The following BCOR variants were observed in gnomAD, a reference collection of about 807,000 sequenced individuals.
The protein encoded by BCOR is BCL6 corepressor.
BCOR carries 10 observed loss-of-function variants against 86.7 expected under a neutral mutation model. That is an observed-to-expected ratio of 0.12 (90% confidence interval 0.07 to 0.20). BCOR has a LOEUF of 0.20. BCOR is among the 10% of genes least tolerant of loss of function. The probability of loss-of-function intolerance (pLI) is 1.00; values close to 1 mark genes in which losing one functional copy is unlikely to be tolerated. For synonymous variants in BCOR, 611 were observed against 609.0 expected, an observed-to-expected ratio of 1.00 and a Z score of -0.05; for missense variants, 1,259 against 1,452.1, an observed-to-expected ratio of 0.87 and a Z score of 2.16.
At chrX:40,064,188 T>C (rs1935061922) in intron 7 of BCOR, 148 bp downstream of exon 7, 2 of 903,370 alleles carry the variant, frequency 2.2e-6, no homozygotes, top group African/African-American at 1.9e-5. Flanking sequence ...AATGGAGAGG[T>C]CCGCTCCACT....
At chrX:40,095,172 G>A (rs752596461) in intron 1 of BCOR, among the ~76,000 whole-genome samples, 1 of 111,741 alleles carries the variant, frequency 8.9e-6, no homozygotes, top group African/African-American at 3.3e-5. Context: ...TCTACGCGCT[G>A]AAACCCTGCC....
intron 4 of BCOR, 120 bp downstream of exon 4, chrX:40,072,229 C>T (rs943469668): frequency 9.3e-6 from 7 of 756,728 alleles, no homozygotes; most frequent in African/African-American, 2.1e-5. Flanking sequence ...TTCAAATTAC[C>T]ACAAGCTTCA....
At chrX:40,077,087 A>T (rs1216852827) in intron 2 of BCOR, 4 of 251,356 alleles carry the variant, frequency 1.6e-5, no homozygotes, top group Non-Finnish European at 3.0e-5. Context: ...TGCCTTTGTC[A>T]AAATGACAGG....
rs746716983 is a variant in BCOR at position 40,062,306 on chromosome X, G to C, written c.4261C>G (p.Arg1421Gly). The part of the protein sequence containing the change: ...PAKQEPKPFD[R>G]LQQLLPASQS... ...GAGGCTGGTAGCAGTTGCTGCAAGC[G>C]GTCGAAGGGCTTTGGCTCCTGCTTG... is the stretch of plus-strand genomic sequence containing the variant. The change falls in exon 10 of 15, where the codon CGC (arginine) becomes GGC (glycine). Residue 1421 changes from arginine to glycine, a missense_variant. Transcript: ENST00000378444. The C allele has an allele frequency of 8.3e-7, 1 of 1,207,475 alleles. No homozygotes were observed. Among genetic ancestry groups the C allele is most frequent in the Non-Finnish European group, 1.1e-6 (1 of 894,241 alleles).
At chrX:40,175,730 C>G (rs1346413398) in intron 1 of BCOR, among the ~76,000 whole-genome samples, 1 of 113,012 alleles carries the variant, frequency 8.8e-6, no homozygotes, top group African/African-American at 3.2e-5. Context: ...AACGCGCAGG[C>G]GGCCCGAGCG....
chrX:40,067,089 T>C (rs750230240), intron 6 of BCOR, among the ~76,000 whole-genome samples: 13 of 112,079 alleles, frequency 1.2e-4, no homozygotes, highest in South Asian at 3.8e-4. Context: ...AAGTTTTCCA[T>C]TGGAGTTTTG....
chrX:40,161,506 CTTTTTTTTTT>C (rs749528691), intron 1 of BCOR, among the ~76,000 whole-genome samples: 2 of 55,980 alleles, frequency 3.6e-5, no homozygotes, highest in Non-Finnish European at 6.3e-5. Flanking sequence ...CGATTCTCCC[CTTTTTTTTTT>C]TTTTTTTTTT....
intron 1 of BCOR, among the ~76,000 whole-genome samples, chrX:40,169,156 A>G (rs751376502): frequency 1.8e-5 from 2 of 112,666 alleles, no homozygotes; most frequent in African/African-American, 6.4e-5. Context: ...ATCTAAACCA[A>G]ACAGATGAGC....
chrX:40,149,787 G>A (rs1042680184), intron 1 of BCOR, among the ~76,000 whole-genome samples: 2 of 111,958 alleles, frequency 1.8e-5, no homozygotes, highest in Non-Finnish European at 3.8e-5. Flanking sequence ...GGGAGCTCTT[G>A]GCATAAGCTT....
At position 40,055,532 on chromosome X, in the gene BCOR, T is replaced by C. The variant is rs746753306; in HGVS notation, c.4596-19A>G. On this transcript the variant is annotated intron_variant, in intron 11 of 14. Coordinates refer to ENST00000378444, the MANE Select transcript of BCOR (RefSeq NM_001123385.2). ...CAGAGGCCTAGGAAGAGAGGCGCAA[T>C]AGAATTATGCTCATGCAAGCCACAC... 4 of 1,208,176 alleles carry C rather than the reference T, an allele frequency of 3.3e-6. No individual in the cohort carries two copies. The highest frequency in any genetic ancestry group is 1.8e-5 in the South Asian group (1 of 56,697).
chrX:40,141,046 T>C (rs1167280357), intron 1 of BCOR, among the ~76,000 whole-genome samples: 3 of 112,372 alleles, frequency 2.7e-5, no homozygotes, highest in Non-Finnish European at 5.6e-5. Flanking sequence ...TTGGAAGCCA[T>C]TCCCTGGCTC....
chrX:40,135,808 G>C (rs1184948871), intron 1 of BCOR, among the ~76,000 whole-genome samples: 1 of 112,041 alleles, frequency 8.9e-6, no homozygotes, highest in African/African-American at 3.2e-5. Context: ...ATCTCGGGGA[G>C]GGTAATGTAA....
At chrX:40,140,302 A>G (rs1393363916) in intron 1 of BCOR, among the ~76,000 whole-genome samples, 2 of 108,583 alleles carry the variant, frequency 1.8e-5, no homozygotes, top group Non-Finnish European at 3.8e-5. Context: ...TACAAAAAAA[A>G]AAAAAAGAAA....
chrX:40,099,009 C>G (rs950988064), upstream of BCOR, among the ~76,000 whole-genome samples: 1 of 112,962 alleles, frequency 8.9e-6, no homozygotes, highest in Admixed American at 9.2e-5. Context: ...CCCCTCGCCC[C>G]GGCGTTGGGA....
At chrX:40,123,159 G>C (rs1399145805) in intron 1 of BCOR, among the ~76,000 whole-genome samples, 1 of 110,996 alleles carries the variant, frequency 9.0e-6, no homozygotes, top group Non-Finnish European at 1.9e-5. Flanking sequence ...TCCTTAACCT[G>C]CTAGGTGAAT....
chrX:40,123,642 C>T (rs1168679537), intron 1 of BCOR, among the ~76,000 whole-genome samples: 1 of 111,052 alleles, frequency 9.0e-6, no homozygotes, highest in Non-Finnish European at 1.9e-5. Flanking sequence ...TGTGAGCCAC[C>T]GCGCCCGGCC....
chrX:40,165,221 G>A lies in BCOR; in HGVS notation c.-41+11786C>T, dbSNP rs141476830. Among the ~76,000 whole-genome samples, 1,040 of 111,768 alleles carry A rather than the reference G, an allele frequency of 9.3e-3. 12 individuals are homozygous for A. Among genetic ancestry groups the A allele is most frequent in the African/African-American group, 0.032 (979 of 30,744 alleles). On this transcript the variant is annotated intron_variant, in intron 1 of 14. Transcript: ENST00000342274. ...GGGGTGGGGTGGGGGATGAGAGGTG[G>A]GGAGCTACTGAGCAGACCAGAAGGA...
intron 1 of BCOR, among the ~76,000 whole-genome samples, chrX:40,138,357 G>A (rs1482348181): frequency 5.4e-5 from 6 of 111,757 alleles, no homozygotes; most frequent in Admixed American, 9.5e-5. Context: ...CCTCTCAGGC[G>A]AGGGACGACT....
At chrX:40,131,890 G>A (rs952341578) in intron 1 of BCOR, among the ~76,000 whole-genome samples, 13 of 111,393 alleles carry the variant, frequency 1.2e-4, no homozygotes, top group East Asian at 5.6e-4. Context: ...AAACACGCCC[G>A]CTAGTTATTC....
Sources: gnomAD v4.1 joint callset for allele counts (sites outside exome capture counted in the v4.1 genomes callset) on GRCh38, gnomAD v4.1.1 for gene constraint, MANE v1.5 for transcripts, NCBI Gene and HGNC (gene_info 2026-07-23, HGNC 2026-07-21) for gene names.